CCDC126: variants seen among roughly 807,000 people sequenced by gnomAD.
CCDC126 encodes coiled-coil domain-containing protein 126.
CCDC126 carries 5 observed loss-of-function variants against 11.7 expected under a neutral mutation model. That is an observed-to-expected ratio of 0.43 (90% CI 0.22 to 0.90). The LOEUF (loss-of-function observed/expected upper bound fraction) is 0.90, where lower values mean the gene tolerates loss of function less well. CCDC126 is among the 40% of genes least tolerant of loss of function. The pLI is 0.27. For synonymous variants in CCDC126, 60 were observed against 61.9 expected, an observed-to-expected ratio of 0.97 and a Z score of 0.14; for missense variants, 150 against 163.1, an observed-to-expected ratio of 0.92 and a Z score of 0.44.
chr7:23,633,239 G>T (rs1391576774), intron 3 of CCDC126, among the ~76,000 whole-genome samples: 1 of 152,178 alleles, frequency 6.6e-6, no homozygotes, highest in African/African-American at 2.4e-5. Context: ...TGATCCGCCT[G>T]CCTCGGCCTC....
intron 3 of CCDC126, among the ~76,000 whole-genome samples, chr7:23,636,622 T>C (rs1783220852): frequency 7.6e-6 from 1 of 131,544 alleles, no homozygotes; most frequent in Non-Finnish European, 1.6e-5. Flanking sequence ...ACTCTCTGCC[T>C]GGCAACCGCC....
Position 23,597,553 on chromosome 7 carries a change from C to T in CCDC126, c.-283C>T, listed in dbSNP as rs1028277047. On this transcript the variant is annotated 5_prime_UTR_variant, in exon 1 of 4. Transcript: ENST00000307471. ...GCTTATTAGCTCTCGCTGCGTCGCC[C>T]CGGCTCAGAAGCTCCGTGGCGGCGG... is the stretch of plus-strand genomic sequence containing the variant. The T allele has an allele frequency of 6.6e-5, 10 of 152,276 alleles. No homozygotes were observed. The highest frequency in any genetic ancestry group is 2.4e-4 in the African/African-American group (10 of 41,472). The allele number at this position is 152,276 out of a possible 1,614,324, so 9.4% of individuals were successfully genotyped here.
In CCDC126 at chr7:23,606,249, G is replaced by A. The variant is rs182099723; in HGVS notation, c.-145-4922G>A. On this transcript the variant is annotated intron_variant, in intron 2 of 3. Coordinates refer to ENST00000307471, the MANE Select transcript of CCDC126 (RefSeq NM_138771.4). ...AATTTTTTGTATTTTTAGTAGAGACGGGGTTTCATCATGTTAGCCAGGATG... is the reference window on the plus strand; with the variant it reads ...AATTTTTTGTATTTTTAGTAGAGACAGGGTTTCATCATGTTAGCCAGGATG... 1.1e-3 allele frequency among the ~76,000 whole-genome samples: 161 copies of A among 152,016 alleles called. 2 individuals carry two copies. Among genetic ancestry groups the A allele is most frequent in the Middle Eastern group, 3.4e-3 (1 of 294 alleles).
intron 2 of CCDC126, among the ~76,000 whole-genome samples, chr7:23,606,171 G>C (rs1782620193): frequency 6.6e-6 from 1 of 152,042 alleles, no homozygotes; most frequent in African/African-American, 2.4e-5. Context: ...CCATTCTCCT[G>C]CCTCAGCCTC....
intron 3 of CCDC126, among the ~76,000 whole-genome samples, chr7:23,611,758 A>G (rs1782714677): frequency 6.6e-6 from 1 of 152,230 alleles, no homozygotes; most frequent in Non-Finnish European, 1.5e-5. Flanking sequence ...AGTTATTAAC[A>G]TTTGGCAACA....
intron 3 of CCDC126, among the ~76,000 whole-genome samples, chr7:23,620,760 G>A (rs1262266458): frequency 2.0e-5 from 3 of 152,300 alleles, no homozygotes; most frequent in Admixed American, 6.5e-5. Context: ...TTTGTATAAA[G>A]TGTAAGGAAG....
chr7:23,620,575 T>G (rs1447473341), intron 3 of CCDC126, among the ~76,000 whole-genome samples: 1 of 151,234 alleles, frequency 6.6e-6, no homozygotes, highest in Non-Finnish European at 1.5e-5. Flanking sequence ...AGAAGCTCTT[T>G]AGTTTAATTA....
intron 2 of CCDC126, among the ~76,000 whole-genome samples, chr7:23,609,996 G>A (rs1203584853): frequency 1.3e-5 from 2 of 152,172 alleles, no homozygotes; most frequent in Admixed American, 6.5e-5. Flanking sequence ...TCCATTTGAT[G>A]TAGTCAAAGA....
At chr7:23,629,396 T>C (rs546118650) in intron 3 of CCDC126, among the ~76,000 whole-genome samples, 167 of 152,184 alleles carry the variant, frequency 1.1e-3, no homozygotes, top group Non-Finnish European at 1.9e-3. Flanking sequence ...CCCTTGATAG[T>C]GTATACTTTC....
chr7:23,639,679 A>T lies in CCDC126; in HGVS notation c.239-3252A>T, dbSNP rs187695441. 3.9e-5 allele frequency among the ~76,000 whole-genome samples: 6 copies of T among 152,254 alleles called. No homozygotes were observed. In the East Asian group the frequency reaches 1.2e-3, roughly 29 times the overall value. On this transcript the variant is annotated intron_variant, in intron 3 of 3. Coordinates refer to ENST00000307471, the MANE Select transcript of CCDC126 (RefSeq NM_138771.4). The stretch of plus-strand genomic sequence containing the variant: ...GTGTTCATGATGAATGATGCCAGAG[A>T]TGCACTCTTGGAAAATCTCATTTTA...
intron 3 of CCDC126, among the ~76,000 whole-genome samples, chr7:23,640,721 A>C (rs1199512599): frequency 6.6e-6 from 1 of 152,148 alleles, no homozygotes; most frequent in African/African-American, 2.4e-5. Flanking sequence ...ATTCTATATA[A>C]GTGGAATTGT....
chr7:23,639,904 G>A (rs1309801185), intron 3 of CCDC126, among the ~76,000 whole-genome samples: 9 of 152,276 alleles, frequency 5.9e-5, no homozygotes, highest in African/African-American at 9.6e-5. Context: ...GGCTGGCTGC[G>A]GTGGCTCACG....
chr7:23,610,598 A>G (rs1490821660), intron 2 of CCDC126, among the ~76,000 whole-genome samples: 1 of 152,118 alleles, frequency 6.6e-6, no homozygotes, highest in African/African-American at 2.4e-5. Context: ...AGAAATTATA[A>G]CTTATTTTTT....
At chr7:23,613,405 G>T (rs1424209241) in intron 3 of CCDC126, among the ~76,000 whole-genome samples, 1 of 152,040 alleles carries the variant, frequency 6.6e-6, no homozygotes, top group Non-Finnish European at 1.5e-5. Context: ...ACTCCCAAAA[G>T]TCCTCAAATT....
chr7:23,631,878 A>G (rs931074741), intron 3 of CCDC126, among the ~76,000 whole-genome samples: 5 of 152,120 alleles, frequency 3.3e-5, no homozygotes, highest in African/African-American at 9.7e-5. Context: ...AAGAATTAGC[A>G]TACTTTAATG....
intron 3 of CCDC126, among the ~76,000 whole-genome samples, chr7:23,640,991 G>GATTTTTTTT (rs754297249): frequency 3.6e-5 from 4 of 110,994 alleles, no homozygotes; most frequent in Admixed American, 9.2e-5. Context: ...GAATCCTTTT[G>GATTTTTTTT]GTTTTTTTTT....
At chr7:23,626,511 AT>A (rs1443862698) in intron 3 of CCDC126, among the ~76,000 whole-genome samples, 1 of 152,056 alleles carries the variant, frequency 6.6e-6, no homozygotes, top group Non-Finnish European at 1.5e-5. Flanking sequence ...ATTAAAAAAA[AT>A]ATTTATTTTA....
chr7:23,633,479 T>C (rs183566833), intron 3 of CCDC126, among the ~76,000 whole-genome samples: 3 of 152,264 alleles, frequency 2.0e-5, no homozygotes, highest in Admixed American at 1.3e-4. Flanking sequence ...TGCTATGATA[T>C]TTAGTTTGTA....
At chr7:23,634,584 C>A (rs1248425494) in intron 3 of CCDC126, among the ~76,000 whole-genome samples, 1 of 152,202 alleles carries the variant, frequency 6.6e-6, no homozygotes, top group Non-Finnish European at 1.5e-5. Flanking sequence ...TTATTCCTTA[C>A]CCTTTCTCTG....
Sources: gnomAD v4.1 joint callset for allele counts (sites outside exome capture counted in the v4.1 genomes callset) on GRCh38, gnomAD v4.1.1 for gene constraint, MANE v1.5 for transcripts, NCBI Gene and HGNC (gene_info 2026-07-23, HGNC 2026-07-21) for gene names.